The following EFCAB11 variants were observed in gnomAD, a reference collection of about 807,000 sequenced individuals.
EFCAB11 encodes EF-hand calcium-binding domain-containing protein 11.
A neutral mutation model predicts 23.0 loss-of-function variants in EFCAB11; 14 were observed. The observed-to-expected ratio is 0.61, with a 90% CI of 0.40 to 0.95. EFCAB11 has a LOEUF of 0.95. Among genes scored for constraint, EFCAB11 ranks in the 40% least tolerant of loss-of-function variants. EFCAB11 has a pLI of 0.00. For synonymous variants in EFCAB11, 65 were observed against 66.6 expected (o/e 0.98, Z 0.11); for missense variants, 198 against 195.8 (o/e 1.01, Z -0.07).
intron 5 of EFCAB11, among the ~76,000 whole-genome samples, chr14:89,810,343 T>G (rs1265933355): frequency 6.6e-6 from 1 of 152,242 alleles, no homozygotes; most frequent in African/African-American, 2.4e-5. Flanking sequence ...GATCCTGCTA[T>G]TTAAATGTAA....
At chr14:89,911,691 G>A (rs1889682100) in intron 5 of EFCAB11, among the ~76,000 whole-genome samples, 1 of 152,224 alleles carries the variant, frequency 6.6e-6, no homozygotes, top group Non-Finnish European at 1.5e-5. Context: ...AGCAATCATT[G>A]TGTGAGCCTG....
At chr14:89,844,338 T>C (rs1441138842) in intron 5 of EFCAB11, among the ~76,000 whole-genome samples, 2 of 152,240 alleles carry the variant, frequency 1.3e-5, no homozygotes, top group East Asian at 1.9e-4. Flanking sequence ...AATACAGTGA[T>C]TACGACTACG....
intron 5 of EFCAB11, among the ~76,000 whole-genome samples, chr14:89,877,273 T>C (rs558628490): frequency 1.6e-4 from 24 of 152,094 alleles, no homozygotes; most frequent in African/African-American, 5.5e-4. Flanking sequence ...CTCCTGACTT[T>C]GTGATCTGCC....
At position 89,814,682 on chromosome 14, in the gene EFCAB11, C is replaced by G. The variant is rs2150305; in HGVS notation, c.411-17358G>C. 6.1e-3 allele frequency among the ~76,000 whole-genome samples: 924 copies of G among 150,468 alleles called. 9 individuals carry two copies. Among genetic ancestry groups the G allele is most frequent in the African/African-American group, 0.021 (860 of 40,758 alleles). ...TCACGCCATTGCACTCCAGCCTGGG[C>G]AACAAGAGCGAAACTCCCTTTCAAA... On this transcript the variant is annotated intron_variant, in intron 5 of 5. Coordinates refer to ENST00000316738, the MANE Select transcript of EFCAB11 (RefSeq NM_145231.4).
rs903612276 is a variant in EFCAB11, at chr14:89,808,052, G to A, written c.411-10728C>T. 2.6e-5 allele frequency among the ~76,000 whole-genome samples: 4 copies of A among 152,170 alleles called. No individual in the cohort carries two copies. In the South Asian group the frequency reaches 8.3e-4, roughly 32 times the overall value. ...ATTGGCTATCCATCTGGGGATGGGT[G>A]GAGTTTGACTCCATGGTAGAGCCTG... is the stretch of plus-strand genomic sequence containing the variant. On this transcript the variant is annotated intron_variant, in intron 5 of 5. Coordinates refer to ENST00000316738, the MANE Select transcript of EFCAB11 (RefSeq NM_145231.4).
chr14:89,903,573 AGG>A (rs57778945), intron 5 of EFCAB11, among the ~76,000 whole-genome samples: 141 of 150,332 alleles, frequency 9.4e-4, no homozygotes, highest in African/African-American at 3.3e-3. Flanking sequence ...GTAAAAGAGA[AGG>A]GGGGGGGCAA....
intron 5 of EFCAB11, among the ~76,000 whole-genome samples, chr14:89,857,113 T>C (rs1887777311): frequency 6.6e-6 from 1 of 152,250 alleles, no homozygotes; most frequent in Non-Finnish European, 1.5e-5. Context: ...TTACTAACTA[T>C]GGGCTGCACT....
chr14:89,932,004 G>T (rs1189385933), intron 4 of EFCAB11, among the ~76,000 whole-genome samples: 1 of 148,190 alleles, frequency 6.7e-6, no homozygotes, highest in Non-Finnish European at 1.5e-5. Flanking sequence ...CCTTTGCGTG[G>T]TATTAGAATC....
chr14:89,863,204 T>A (rs2140153052), intron 5 of EFCAB11, among the ~76,000 whole-genome samples: 1 of 152,288 alleles, frequency 6.6e-6, no homozygotes, highest in South Asian at 2.1e-4. Context: ...TTTATTAAAC[T>A]AAGAATAATC....
intron 5 of EFCAB11, among the ~76,000 whole-genome samples, chr14:89,875,838 G>C (rs535601118): frequency 6.6e-6 from 1 of 152,102 alleles, no homozygotes; most frequent in African/African-American, 2.4e-5. Flanking sequence ...TCCCAGAGAA[G>C]TATACTGGTA....
At chr14:89,891,703 G>A (rs112018161) in intron 5 of EFCAB11, among the ~76,000 whole-genome samples, 30 of 151,756 alleles carry the variant, frequency 2.0e-4, no homozygotes, top group African/African-American at 2.9e-4. Flanking sequence ...ACACACACAC[G>A]CACGCGCACA....
intron 5 of EFCAB11, among the ~76,000 whole-genome samples, chr14:89,841,024 C>G (rs189135284): frequency 1.4e-3 from 211 of 152,320 alleles, no homozygotes; most frequent in Non-Finnish European, 2.6e-3. Flanking sequence ...CTCTGGCCTT[C>G]CAGTCTCCCG....
chr14:89,815,198 C>A (rs1186977374), intron 5 of EFCAB11, among the ~76,000 whole-genome samples: 1 of 152,084 alleles, frequency 6.6e-6, no homozygotes, highest in African/African-American at 2.4e-5. Context: ...TGCAGAATAG[C>A]CCAAGAGAAC....
At chr14:89,944,762 C>T (rs1890905724) in intron 3 of EFCAB11, among the ~76,000 whole-genome samples, 1 of 151,820 alleles carries the variant, frequency 6.6e-6, no homozygotes. Context: ...GCGATTATAT[C>T]AAGAACATGT....
chr14:89,831,894 C>T (rs182940347), intron 5 of EFCAB11, among the ~76,000 whole-genome samples: 104 of 152,216 alleles, frequency 6.8e-4, no homozygotes, highest in Admixed American at 3.0e-3. Context: ...TTGATTGCAG[C>T]TTTTATCTGA....
intron 3 of EFCAB11, among the ~76,000 whole-genome samples, chr14:89,940,136 G>C (rs1890740324): frequency 6.6e-6 from 1 of 152,044 alleles, no homozygotes; most frequent in African/African-American, 2.4e-5. Context: ...TTTCTAAATG[G>C]GTAATTAAAT....
intron 5 of EFCAB11, chr14:89,848,441 G>A (rs1257853450): frequency 1.3e-5 from 2 of 152,152 alleles, no homozygotes; most frequent in Non-Finnish European, 2.9e-5. Context: ...CTGATTTCAA[G>A]CTATGAAGGT....
At chr14:89,861,028 AACTCAGACCTCTT>A (rs1196836278) in intron 5 of EFCAB11, among the ~76,000 whole-genome samples, 1 of 152,146 alleles carries the variant, frequency 6.6e-6, no homozygotes, top group Non-Finnish European at 1.5e-5. Context: ...AACAAAACCA[AACTCAGACCTCTT>A]ATTTCTTGAC....
At chr14:89,875,266 C>G (rs943200960) in intron 5 of EFCAB11, among the ~76,000 whole-genome samples, 1 of 152,340 alleles carries the variant, frequency 6.6e-6, no homozygotes, top group Non-Finnish European at 1.5e-5. Flanking sequence ...ACCATCAGAT[C>G]TCATGAGACT....
Sources: allele counts gnomAD v4.1 joint callset (sites outside exome capture counted in the v4.1 genomes callset), GRCh38; gene constraint gnomAD v4.1.1; transcripts MANE v1.5; gene names NCBI Gene and HGNC (gene_info 2026-07-23, HGNC 2026-07-21).